The following USH1C variants were observed in gnomAD, a reference collection of about 807,000 sequenced individuals.
USH1C encodes the protein USH1 protein network component harmonin, also known as harmonin.
USH1C carries 90 observed loss-of-function variants against 119.3 expected under a neutral mutation model. That is an observed-to-expected ratio of 0.75 (90% CI 0.64 to 0.90). The LOEUF (loss-of-function observed/expected upper bound fraction) is 0.90. Ranked by LOEUF, USH1C falls within the 40% of genes least tolerant of loss-of-function variation. The pLI is 0.00. For synonymous variants in USH1C, 465 were observed against 443.3 expected, an observed-to-expected ratio of 1.05 and a Z score of -0.62; for missense variants, 1,165 against 1,167.7, an observed-to-expected ratio of 1.00 and a Z score of 0.03.
Position 17,509,625 on chromosome 11 carries a change from G to A in USH1C, c.1744C>T (p.Leu582Phe). The A allele has an allele frequency of 6.3e-7, 1 of 1,596,080 alleles. No homozygotes were observed. Among genetic ancestry groups the A allele is most frequent in the Non-Finnish European group, 8.5e-7 (1 of 1,174,874 alleles). ...GCGCTCACATGGCCAGATAAGGGAA[G>A]GACAGGGGGCGCCGGGACCTTGTGG... is the stretch of plus-strand genomic sequence containing the variant. ...PPHKVPAPPV[L>F]PLSGHVSASS... The change falls in exon 18 of 27, where the codon CTT becomes TTT. Residue 582 changes from leucine (L) to phenylalanine (F), a missense_variant. Coordinates refer to ENST00000005226, the MANE Select transcript of USH1C (RefSeq NM_153676.4).
chr11:17,496,502 G>A (rs1849254075), intron 25 of USH1C, among the ~76,000 whole-genome samples: 1 of 152,314 alleles, frequency 6.6e-6, no homozygotes, highest in East Asian at 1.9e-4. Context: ...TGCTTACCCG[G>A]TCTAAGACCT....
chr11:17,502,062 G>A (rs1050163256), intron 20 of USH1C, 82 bp from the exon 21 acceptor site: 22 of 1,446,086 alleles, frequency 1.5e-5, no homozygotes, highest in African/African-American at 5.6e-5. Context: ...ATGAATGGTC[G>A]GAATCCAAGG....
chr11:17,517,419 C>T lies in USH1C; in HGVS notation c.1211-1129G>A, dbSNP rs35188020. On this transcript the variant is annotated intron_variant, in intron 14 of 26. Transcript: ENST00000005226. Reference sequence around the variant, plus strand: ...CGCGAACCTGCTCTCCCTGCTCCTCCGTGCCTCCATCCAGGTCATCTGCGG... The same window carrying T: ...CGCGAACCTGCTCTCCCTGCTCCTCTGTGCCTCCATCCAGGTCATCTGCGG... 1,505 of 1,590,498 alleles carry T rather than the reference C, an allele frequency of 9.5e-4. 13 individuals carry two copies. The African/African-American group carries it at 0.018, about 19-fold the overall frequency.
chr11:17,500,924 C>A (rs745915930), intron 23 of USH1C, 127 bp downstream of exon 23: 1 of 789,572 alleles, frequency 1.3e-6, no homozygotes, highest in Non-Finnish European at 2.1e-6. Flanking sequence ...GATGGATGGA[C>A]CCGAGTGGGA....
At chr11:17,526,486 G>T in intron 7 of USH1C, 45 bp from the exon 8 acceptor site, 1 of 1,551,678 alleles carries the variant, frequency 6.4e-7, no homozygotes, top group South Asian at 1.1e-5. Context: ...CCACATGCGT[G>T]CAAGCGGCCT....
intron 8 of USH1C, among the ~76,000 whole-genome samples, chr11:17,525,781 A>T (rs1049287342): frequency 6.6e-6 from 1 of 152,246 alleles, no homozygotes; most frequent in Non-Finnish European, 1.5e-5. Flanking sequence ...TCAAGGGCCC[A>T]CAAGGTAACA....
chr11:17,498,658 G>T (rs753469249), intron 23 of USH1C, among the ~76,000 whole-genome samples: 1 of 152,164 alleles, frequency 6.6e-6, no homozygotes, highest in Non-Finnish European at 1.5e-5. Flanking sequence ...GCTCTCTCCT[G>T]CCTCAGAGGC....
chr11:17,524,582 C>T, intron 8 of USH1C, 47 bp from the exon 9 acceptor site: 1 of 1,547,854 alleles, frequency 6.5e-7, no homozygotes, highest in South Asian at 1.2e-5. Context: ...TAACCCATGT[C>T]CAGTGCTCAG....
intron 23 of USH1C, 125 bp from the exon 24 acceptor site, chr11:17,498,396 T>C (rs1289623961): frequency 3.3e-6 from 3 of 908,804 alleles, no homozygotes; most frequent in East Asian, 4.8e-5. Context: ...TGAAAGCTCA[T>C]GTGGACTCAG....
intron 1 of USH1C, chr11:17,533,867 C>T (rs1478800129): frequency 7.3e-6 from 3 of 410,476 alleles, no homozygotes; most frequent in East Asian, 7.3e-5. Context: ...CTTGTCCTGA[C>T]CTTAGCTGGG....
At chr11:17,518,044 T>G (rs967459067) in intron 14 of USH1C, among the ~76,000 whole-genome samples, 1 of 152,220 alleles carries the variant, frequency 6.6e-6, no homozygotes, top group African/African-American at 2.4e-5. Flanking sequence ...AACCCTCCAT[T>G]CCAGAGTTTC....
Position 17,533,263 on chromosome 11 carries a change from C to T in USH1C, c.96G>A (p.Met32Ile), listed in dbSNP as rs1294493185. 1 of 1,613,740 alleles carries T rather than the reference C, an allele frequency of 6.2e-7. No homozygotes were observed. Among genetic ancestry groups the T allele is most frequent in the Non-Finnish European group, 8.5e-7 (1 of 1,179,792 alleles). Residue 32 changes from methionine (M) to isoleucine (I), a missense_variant, in exon 2 of 27, where the codon ATG becomes ATA. Transcript: ENST00000005226. ...GGACCCAGCACACTTACTGGTGGTACATTCGCAGCACATCATAGAGATAGT... is the reference window on the plus strand; with the variant it reads ...GGACCCAGCACACTTACTGGTGGTATATTCGCAGCACATCATAGAGATAGT... ...EKDYLYDVLR[M>I]YHQTMDVAVL...
chr11:17,533,103 T>C, intron 2 of USH1C, 152 bp downstream of exon 2: 1 of 737,704 alleles, frequency 1.4e-6, no homozygotes, highest in Non-Finnish European at 2.5e-6. Flanking sequence ...TGTAAATAGT[T>C]GCTGAAATGA....
At chr11:17,543,240 C>A (rs1022602753) in intron 1 of USH1C, among the ~76,000 whole-genome samples, 1 of 152,234 alleles carries the variant, frequency 6.6e-6, no homozygotes, top group Non-Finnish European at 1.5e-5. Context: ...GAGTTAAGCA[C>A]CCTGACCTGC....
At chr11:17,502,332 C>T (rs543941891) in intron 20 of USH1C, among the ~76,000 whole-genome samples, 6 of 152,184 alleles carry the variant, frequency 3.9e-5, no homozygotes, top group Non-Finnish European at 1.5e-5. Flanking sequence ...TCCTTTAGGC[C>T]CCACCTCATC....
chr11:17,495,584 C>T lies in USH1C; in HGVS notation c.2640G>A (p.Leu880=), dbSNP rs771976161. The change falls in exon 26 of 27, where the codon CTG becomes CTA. Residue 880 remains leucine (L), a synonymous_variant. Transcript: ENST00000005226. ...RAAVHRHGFL[L]QLEPTDLLLK... is the part of the protein sequence containing the mutation. ...GCCTATTCACCGTGGGCTCCAGCTGCAGGAGGAACCCGTGTCTGTGCACGG... is the reference window on the plus strand; with the variant it reads ...GCCTATTCACCGTGGGCTCCAGCTGTAGGAGGAACCCGTGTCTGTGCACGG... The T allele has an allele frequency of 6.2e-7, 1 of 1,614,144 alleles. No individual in the cohort carries two copies. The highest frequency in any genetic ancestry group is 8.5e-7 in the Non-Finnish European group (1 of 1,180,038).
intron 12 of USH1C, among the ~76,000 whole-genome samples, chr11:17,522,325 G>A (rs1160399546): frequency 6.6e-6 from 1 of 152,104 alleles, no homozygotes; most frequent in African/African-American, 2.4e-5. Flanking sequence ...TCCCAGCTTG[G>A]CCACGTGTGA....
rs1032998270 is a variant in USH1C, at chr11:17,510,287, G to A, written c.1530+118C>T. ...GGTGGTAGGGGTGGGCCTGGACAGT[G>A]GATGGGCACTGTGAGGCTAGTGACG... On this transcript the variant is annotated intron_variant, in intron 17 of 26. Coordinates refer to ENST00000005226, the MANE Select transcript of USH1C (RefSeq NM_153676.4). The A allele has an allele frequency of 1.2e-5, 10 of 828,096 alleles. No individual in the cohort carries two copies. In the African/African-American group the frequency reaches 1.5e-4, roughly 13 times the overall value. 51.3% of individuals were successfully genotyped at this position (828,096 alleles called of 1,614,324 possible). A position where few individuals can be genotyped will look rare whatever the true frequency, so the allele number is the denominator to read the frequency against.
In USH1C at chr11:17,510,312, G is replaced by A. The variant is rs1373792826; in HGVS notation, c.1530+93C>T. ...GGATGGGCACTGTGAGGCTAGTGACGTTTGCTAGTTGTCATCTCACCTCCC... is the reference window on the plus strand; with the variant it reads ...GGATGGGCACTGTGAGGCTAGTGACATTTGCTAGTTGTCATCTCACCTCCC... On this transcript the variant is annotated intron_variant, in intron 17 of 26. Coordinates refer to ENST00000005226, the MANE Select transcript of USH1C (RefSeq NM_153676.4). The A allele has an allele frequency of 1.4e-5, 15 of 1,035,374 alleles. No individual in the cohort carries two copies. The Middle Eastern group carries it at 1.8e-3, about 124-fold the overall frequency. The allele number at this position is 1,035,374 out of a possible 1,614,324, so 64.1% of individuals were successfully genotyped here. A position where few individuals can be genotyped will look rare whatever the true frequency, so the allele number is the denominator to read the frequency against.
Sources: gnomAD v4.1 joint callset for allele counts (sites outside exome capture counted in the v4.1 genomes callset) on GRCh38, gnomAD v4.1.1 for gene constraint, MANE v1.5 for transcripts, NCBI Gene and HGNC (gene_info 2026-07-23, HGNC 2026-07-21) for gene names.